COL25A1: variants seen among roughly 807,000 people sequenced by gnomAD.
COL25A1 encodes the protein collagen type XXV alpha 1 chain.
COL25A1 carries 103 observed loss-of-function variants against 128.4 expected under a neutral mutation model. The observed-to-expected ratio is 0.80, with a 90% CI of 0.68 to 0.94. The LOEUF (loss-of-function observed/expected upper bound fraction) is 0.94, where lower values mean the gene tolerates loss of function less well. Ranked by LOEUF, COL25A1 falls within the 40% of genes least tolerant of loss-of-function variation. COL25A1 has a pLI of 0.00. For missense variants in COL25A1, 745 were observed against 840.0 expected (o/e 0.89, Z 1.40); for synonymous variants, 279 against 277.2 (o/e 1.01, Z -0.06).
At chr4:108,866,797 C>G (rs889395105) in intron 20 of COL25A1, among the ~76,000 whole-genome samples, 1 of 152,166 alleles carries the variant, frequency 6.6e-6, no homozygotes, top group Non-Finnish European at 1.5e-5. Flanking sequence ...GGATTCAACA[C>G]AAATTAGATA....
At chr4:108,859,874 A>G in intron 23 of COL25A1, 141 bp from the exon 24 acceptor site, 1 of 592,160 alleles carries the variant, frequency 1.7e-6, no homozygotes, top group East Asian at 2.9e-5. Flanking sequence ...TAGAATATAT[A>G]AATAATTATG....
At chr4:108,930,456 C>T (rs114666233) in intron 11 of COL25A1, among the ~76,000 whole-genome samples, 158 of 152,278 alleles carry the variant, frequency 1.0e-3, no homozygotes, top group African/African-American at 3.6e-3. Context: ...TCTTCCCAGG[C>T]CTGTTCTTCT....
intron 3 of COL25A1, among the ~76,000 whole-genome samples, chr4:109,099,886 C>T (rs1481625608): frequency 6.6e-6 from 1 of 152,066 alleles, no homozygotes; most frequent in Admixed American, 6.6e-5. Context: ...ATTTGGACAG[C>T]CATCTTTCAA....
intron 19 of COL25A1, among the ~76,000 whole-genome samples, chr4:108,872,500 G>T (rs1471935823): frequency 6.6e-6 from 1 of 152,106 alleles, no homozygotes; most frequent in Non-Finnish European, 1.5e-5. Context: ...CCACTTGTGG[G>T]GTTTAGGATA....
At chr4:109,197,350 T>TATTATATATAA (rs1425846256) in intron 3 of COL25A1, among the ~76,000 whole-genome samples, 1 of 130,924 alleles carries the variant, frequency 7.6e-6, no homozygotes, top group African/African-American at 2.9e-5. Context: ...ATTATATATA[T>TATTATATATAA]ATTATATATA....
chr4:109,298,744 A>G (rs1725235192), intron 3 of COL25A1, among the ~76,000 whole-genome samples: 1 of 152,236 alleles, frequency 6.6e-6, no homozygotes, highest in Admixed American at 6.5e-5. Context: ...TGTCAGCAAG[A>G]AACCTGCTTG....
intron 3 of COL25A1, among the ~76,000 whole-genome samples, chr4:109,224,513 C>A (rs1398456257): frequency 6.6e-6 from 1 of 150,552 alleles, no homozygotes; most frequent in African/African-American, 2.5e-5. Flanking sequence ...CATCTGTACT[C>A]CTTAAAGTTT....
intron 13 of COL25A1, among the ~76,000 whole-genome samples, chr4:108,902,085 A>T (rs1235828269): frequency 5.9e-5 from 9 of 152,018 alleles, no homozygotes; most frequent in Admixed American, 5.9e-4. Flanking sequence ...GTTGATTTTT[A>T]AAAAATAGAC....
intron 10 of COL25A1, among the ~76,000 whole-genome samples, chr4:108,938,267 C>A (rs896117727): frequency 6.6e-6 from 1 of 152,096 alleles, no homozygotes; most frequent in Non-Finnish European, 1.5e-5. Flanking sequence ...TATATCATGA[C>A]ATTATCATTT....
intron 3 of COL25A1, among the ~76,000 whole-genome samples, chr4:109,050,424 G>A (rs896509249): frequency 1.3e-5 from 2 of 151,922 alleles, no homozygotes; most frequent in South Asian, 2.1e-4. Context: ...CTAACGATTG[G>A]GAATTTTTGT....
chr4:108,841,704 A>G lies in COL25A1; in HGVS notation c.1647T>C (p.Pro549=). 2 of 1,612,318 alleles carry G rather than the reference A, an allele frequency of 1.2e-6. No individual in the cohort carries two copies. The highest frequency in any genetic ancestry group is 1.7e-6 in the Non-Finnish European group (2 of 1,178,480). Residue 549 remains proline (P), a synonymous_variant, in exon 31 of 38, where the codon CCT becomes CCC. Transcript: ENST00000399132. ...GGATTTGTTGGATTACCTTTGGTCC[A>G]GGAAGTCCATGAGGTCCCTGAAAAT... ...PPGPMGPHGL[P]GPKGTDGPMG...
intron 5 of COL25A1, among the ~76,000 whole-genome samples, chr4:109,013,081 G>C (rs1009218958): frequency 1.3e-5 from 2 of 152,070 alleles, no homozygotes; most frequent in Non-Finnish European, 2.9e-5. Context: ...GAACTTTTAC[G>C]TCTAGCTAAA....
At chr4:109,127,290 C>T (rs1485164485) in intron 3 of COL25A1, among the ~76,000 whole-genome samples, 6 of 152,094 alleles carry the variant, frequency 3.9e-5, no homozygotes, top group Admixed American at 2.6e-4. Flanking sequence ...ACTGCTTGGT[C>T]ATAATTTGGT....
At chr4:108,904,223 T>C (rs371134712) in intron 13 of COL25A1, among the ~76,000 whole-genome samples, 1 of 152,154 alleles carries the variant, frequency 6.6e-6, no homozygotes, top group East Asian at 1.9e-4. Flanking sequence ...CTGGACTGAA[T>C]GTTTCCTGAG....
At chr4:109,130,942 G>T (rs1347942471) in intron 3 of COL25A1, among the ~76,000 whole-genome samples, 1 of 152,086 alleles carries the variant, frequency 6.6e-6, no homozygotes, top group Non-Finnish European at 1.5e-5. Flanking sequence ...AAGAAGAAAT[G>T]AAAAATAATT....
chr4:109,001,426 G>GTC (rs1755408348), intron 6 of COL25A1, among the ~76,000 whole-genome samples: 1 of 17,724 alleles, frequency 5.6e-5, no homozygotes, highest in Non-Finnish European at 1.8e-4. Flanking sequence ...GGTAGGCAGT[G>GTC]AGCTAGAGGG....
intron 3 of COL25A1, among the ~76,000 whole-genome samples, chr4:109,159,706 A>T (rs988595756): frequency 6.6e-6 from 1 of 152,254 alleles, no homozygotes; most frequent in African/African-American, 2.4e-5. Context: ...TTCTAAACTC[A>T]TAAGACAGGG....
intron 3 of COL25A1, among the ~76,000 whole-genome samples, chr4:109,156,608 T>A (rs145873756): frequency 6.6e-6 from 1 of 152,104 alleles, no homozygotes; most frequent in African/African-American, 2.4e-5. Flanking sequence ...AGCAAACTCA[T>A]ATGTTGAGAT....
At chr4:109,293,102 CT>C (rs1339309829) in intron 3 of COL25A1, among the ~76,000 whole-genome samples, 1 of 151,948 alleles carries the variant, frequency 6.6e-6, no homozygotes, top group African/African-American at 2.4e-5. Context: ...ACAACTTAAC[CT>C]TTGACAGCTC....
Sources: allele counts gnomAD v4.1 joint callset (sites outside exome capture counted in the v4.1 genomes callset), GRCh38; gene constraint gnomAD v4.1.1; transcripts MANE v1.5; gene names NCBI Gene and HGNC (gene_info 2026-07-23, HGNC 2026-07-21).